Variants in FAM220A observed in about 807,000 individuals in gnomAD.
FAM220A encodes the protein family with sequence similarity 220 member A, also known as protein FAM220A.
For synonymous variants in FAM220A, 141 were observed against 130.7 expected (o/e 1.08, Z -0.54); for missense variants, 392 against 321.6 (o/e 1.22, Z -1.68).
intron 1 of FAM220A, among the ~76,000 whole-genome samples, chr7:6,347,814 G>A (rs1195900725): frequency 6.6e-6 from 1 of 151,474 alleles, no homozygotes; most frequent in Non-Finnish European, 1.5e-5. Context: ...CCAGCACTGG[G>A]AGGCCAAGAT....
At position 6,330,724 on chromosome 7, in the gene FAM220A, T is replaced by C. The variant is rs779600992; in HGVS notation, c.431A>G (p.Gln144Arg). Reference protein sequence around the residue: ...GPRATDGHRGQCPKGEPRVSR... With the variant: ...GPRATDGHRGRCPKGEPRVSR... The stretch of plus-strand genomic sequence containing the variant: ...CACCCGAGGCTCTCCTTTGGGGCAC[T>C]GTCCTCTGTGGCCGTCAGTGGCCCT... Residue 144 changes from glutamine (Q) to arginine (R), a missense_variant, in exon 2 of 2, where the codon CAG becomes CGG. By Grantham distance (43) the Gln-to-Arg change is conservative. Transcript: ENST00000313324. 14 of 1,614,036 alleles carry C rather than the reference T, an allele frequency of 8.7e-6. No homozygotes were observed. The East Asian group carries it at 2.5e-4, about 28-fold the overall frequency.
intron 1 of FAM220A, among the ~76,000 whole-genome samples, chr7:6,336,700 C>T (rs12702500): frequency 6.7e-6 from 1 of 149,830 alleles, no homozygotes; most frequent in Admixed American, 6.7e-5. Context: ...AAAAAAAAAG[C>T]TGGAGTGCAA....
chr7:6,330,984 T>G lies in FAM220A; in HGVS notation c.171A>C (p.Gln57His), dbSNP rs1416791721. The change falls in exon 2 of 2, where the codon CAA becomes CAC. Residue 57 changes from glutamine (Q) to histidine (H), a missense_variant. Physicochemically the swap from Gln to His is conservative, Grantham distance 24. Transcript: ENST00000313324. ...TCATTTCCAGTGATAATGCCTCACT[T>G]TGTGAATTTCCATCAACCACAGGCT... ...MNKPVVDGNS[Q>H]SEALSLEMRK... is the part of the protein sequence containing the mutation. The G allele has an allele frequency of 6.2e-7, 1 of 1,614,196 alleles. No individual in the cohort carries two copies. Among genetic ancestry groups the G allele is most frequent in the Non-Finnish European group, 8.5e-7 (1 of 1,180,040 alleles).
intron 1 of FAM220A, among the ~76,000 whole-genome samples, chr7:6,341,312 G>A (rs879680710): frequency 9.9e-5 from 15 of 151,428 alleles, no homozygotes; most frequent in Non-Finnish European, 1.8e-4. Context: ...GCCTGGTGGC[G>A]GGCGCCTGTA....
chr7:6,331,133 G>A lies in FAM220A; in HGVS notation c.22C>T (p.Leu8Phe), dbSNP rs1465156475. 14 of 1,612,926 alleles carry A rather than the reference G, an allele frequency of 8.7e-6. No individual in the cohort carries two copies. The highest frequency in any genetic ancestry group is 1.7e-5 in the Admixed American group (1 of 59,972). ...TGCACTTGTGCCAGGCAGGTGCCGA[G>A]GGGCCCTCTTCTGTCCCTCATGCTT... Reference protein sequence around the residue: MRDRRGPLGTCLAQVQQA... With the variant: MRDRRGPFGTCLAQVQQA... The change falls in exon 2 of 2, where the codon CTC becomes TTC. Residue 8 changes from leucine to phenylalanine, a missense_variant. Coordinates refer to ENST00000313324, the MANE Select transcript of FAM220A (RefSeq NM_001037163.2).
At chr7:6,334,123 A>G (rs573877644) in intron 1 of FAM220A, among the ~76,000 whole-genome samples, 80 of 151,240 alleles carry the variant, frequency 5.3e-4, no homozygotes, top group South Asian at 1.7e-3. Flanking sequence ...TGGGATTACA[A>G]GCGTGAGCCA....
At chr7:6,340,200 T>C (rs531728443) in intron 1 of FAM220A, among the ~76,000 whole-genome samples, 126 of 152,292 alleles carry the variant, frequency 8.3e-4, no homozygotes, top group Non-Finnish European at 5.9e-4. Flanking sequence ...CAGGATTCTG[T>C]GAAGATTCGA....
intron 1 of FAM220A, among the ~76,000 whole-genome samples, chr7:6,344,074 G>A (rs1324504292): frequency 1.3e-5 from 2 of 151,470 alleles, no homozygotes. Context: ...TTGTAGTGAT[G>A]GTGTCTCACT....
At chr7:6,345,199 C>T (rs1344351586) in intron 1 of FAM220A, among the ~76,000 whole-genome samples, 2 of 151,978 alleles carry the variant, frequency 1.3e-5, no homozygotes, top group Non-Finnish European at 2.9e-5. Context: ...CTCACTGCAT[C>T]TTCGGCCTCC....
rs1224679547 is a variant in FAM220A, at chr7:6,348,907, C to A, written c.-416G>T. On this transcript the variant is annotated 5_prime_UTR_variant, in exon 1 of 2. Coordinates refer to ENST00000313324, the MANE Select transcript of FAM220A (RefSeq NM_001037163.2). ...GGGCCGCAGTGGAGCGGAGTCCGCA[C>A]GTCACGCTCGGAGAAGTGCCTCCGC... is the stretch of plus-strand genomic sequence containing the variant. 3 of 385,512 alleles carry A rather than the reference C, an allele frequency of 7.8e-6. No individual in the cohort carries two copies. The South Asian group carries it at 4.3e-4, about 55-fold the overall frequency. 23.9% of individuals were successfully genotyped at this position (385,512 alleles called of 1,614,324 possible).
Position 6,330,164 on chromosome 7 carries a change from T to C in FAM220A, c.*211A>G. 6.9e-6 allele frequency: 4 copies of C among 577,244 alleles called. No homozygotes were observed. In the Admixed American group the frequency reaches 1.0e-4, roughly 15 times the overall value. The allele number at this position is 577,244 out of a possible 1,614,324, so 35.8% of individuals were successfully genotyped here. ...GAAATGTTTCCCAATTCTTTATATG[T>C]CTTTTAAAGCACAATTTAACACATG... On this transcript the variant is annotated 3_prime_UTR_variant, in exon 2 of 2. Transcript: ENST00000313324.
chr7:6,339,426 G>T (rs1356291812), intron 1 of FAM220A, among the ~76,000 whole-genome samples: 2 of 152,050 alleles, frequency 1.3e-5, no homozygotes, highest in Non-Finnish European at 2.9e-5. Flanking sequence ...AACATAGCAA[G>T]ACCCCATCTC....
chr7:6,342,928 T>G (rs1781889660), intron 1 of FAM220A, among the ~76,000 whole-genome samples: 1 of 151,714 alleles, frequency 6.6e-6, no homozygotes. Context: ...CCCCAGCTAC[T>G]CAGAAGGCTG....
chr7:6,335,369 C>T (rs1315877850), intron 1 of FAM220A, among the ~76,000 whole-genome samples: 2 of 150,422 alleles, frequency 1.3e-5, no homozygotes, highest in African/African-American at 4.9e-5. Context: ...ATTACAAGCG[C>T]CCGCCACCAC....
chr7:6,334,886 A>G (rs765812202), intron 1 of FAM220A, among the ~76,000 whole-genome samples: 33 of 151,956 alleles, frequency 2.2e-4, no homozygotes, highest in Non-Finnish European at 4.1e-4. Context: ...CTCCTGCCTC[A>G]GCCTCCTGAG....
At chr7:6,340,898 CAA>C (rs34572127) in intron 1 of FAM220A, among the ~76,000 whole-genome samples, 16 of 33,680 alleles carry the variant, frequency 4.8e-4, no homozygotes, top group East Asian at 4.2e-3. Flanking sequence ...GACTCCATCT[CAA>C]AAAAAAAAAA....
chr7:6,334,086 T>A (rs1220939754), intron 1 of FAM220A, among the ~76,000 whole-genome samples: 1 of 151,298 alleles, frequency 6.6e-6, no homozygotes, highest in African/African-American at 2.4e-5. Flanking sequence ...GACCTCGTGA[T>A]CCGCCCACCT....
At chr7:6,335,781 T>C (rs1161340438) in intron 1 of FAM220A, among the ~76,000 whole-genome samples, 1 of 152,096 alleles carries the variant, frequency 6.6e-6, no homozygotes, top group African/African-American at 2.4e-5. Flanking sequence ...AGCCCTGTCA[T>C]CCCAACACTT....
intron 1 of FAM220A, among the ~76,000 whole-genome samples, chr7:6,335,379 C>T (rs1294773010): frequency 2.0e-5 from 3 of 152,076 alleles, no homozygotes; most frequent in African/African-American, 4.8e-5. Context: ...CCCGCCACCA[C>T]GCCTGGCTAA....
Sources: gnomAD v4.1 joint callset for allele counts (sites outside exome capture counted in the v4.1 genomes callset) on GRCh38, gnomAD v4.1.1 for gene constraint, MANE v1.5 for transcripts, NCBI Gene and HGNC (gene_info 2026-07-23, HGNC 2026-07-21) for gene names.